BTC: variants seen among roughly 807,000 people sequenced by gnomAD.
BTC encodes the protein betacellulin, also known as probetacellulin.
BTC carries 13 observed loss-of-function variants against 18.1 expected under a neutral mutation model. The observed-to-expected ratio is 0.72, with a 90% CI of 0.47 to 1.14. The LOEUF (loss-of-function observed/expected upper bound fraction) is 1.14. Among genes scored for constraint, BTC ranks in the 50% most tolerant of loss-of-function variants. The pLI, the probability that BTC is intolerant of heterozygous loss-of-function variation, is 0.00. For missense variants in BTC, 247 were observed against 224.2 expected, an observed-to-expected ratio of 1.10 and a Z score of -0.65; for synonymous variants, 83 against 79.4, an observed-to-expected ratio of 1.05 and a Z score of -0.24.
At chr4:74,772,743 T>C (rs1725076901) in intron 1 of BTC, among the ~76,000 whole-genome samples, 1 of 152,038 alleles carries the variant, frequency 6.6e-6, no homozygotes. Context: ...ATTGTAAAAC[T>C]TAAGTTTATT....
chr4:74,785,857 TA>T (rs574729939), intron 1 of BTC, among the ~76,000 whole-genome samples: 248 of 152,230 alleles, frequency 1.6e-3, no homozygotes, highest in African/African-American at 5.8e-3. Flanking sequence ...TCCTACTCTA[TA>T]AATGGGAATA....
rs1214678412 is a variant in BTC at position 74,787,406 on chromosome 4, C to A, written c.64+6856G>T. Among the ~76,000 whole-genome samples, 3 of 152,284 alleles carry A rather than the reference C, an allele frequency of 2.0e-5. No individual in the cohort carries two copies. The East Asian group carries it at 5.8e-4, about 29-fold the overall frequency. ...TTAAGATTAAATATTGCCTCTCCCT[C>A]CAACCATCTAAAAAGGTCTTTCATT... On this transcript the variant is annotated intron_variant, in intron 1 of 5. Coordinates refer to ENST00000395743, the MANE Select transcript of BTC (RefSeq NM_001729.4).
At position 74,786,407 on chromosome 4, in the gene BTC, T is replaced by C. The variant is rs116692345; in HGVS notation, c.64+7855A>G. ...ACTAAAGAGTTCAGACAATTGATTGTTATGAAATCGTTATATGTAATACTA... is the reference window on the plus strand; with the variant it reads ...ACTAAAGAGTTCAGACAATTGATTGCTATGAAATCGTTATATGTAATACTA... On this transcript the variant is annotated intron_variant, in intron 1 of 5. Coordinates refer to ENST00000395743, the MANE Select transcript of BTC (RefSeq NM_001729.4). Among the ~76,000 whole-genome samples the C allele has an allele frequency of 5.5e-3, 840 of 152,340 alleles. 11 individuals carry two copies. The highest frequency in any genetic ancestry group is 0.019 in the African/African-American group (810 of 41,570).
chr4:74,753,703 G>T (rs112488906), intron 3 of BTC, among the ~76,000 whole-genome samples: 214 of 152,216 alleles, frequency 1.4e-3, no homozygotes, highest in African/African-American at 4.6e-3. Flanking sequence ...TGAAACATCA[G>T]TCCTAGGTTG....
intron 1 of BTC, among the ~76,000 whole-genome samples, chr4:74,792,482 C>T (rs1725659469): frequency 2.0e-5 from 3 of 152,122 alleles, no homozygotes; most frequent in South Asian, 4.1e-4. Flanking sequence ...CCACAGGCGC[C>T]CCCCCTTCCT....
intron 1 of BTC, among the ~76,000 whole-genome samples, chr4:74,783,864 C>A (rs1308506550): frequency 6.6e-6 from 1 of 151,932 alleles, no homozygotes; most frequent in African/African-American, 2.4e-5. Flanking sequence ...AGGTATTTTA[C>A]TCTTTGTGTA....
At chr4:74,752,758 A>T (rs1246610088) in intron 3 of BTC, among the ~76,000 whole-genome samples, 1 of 152,112 alleles carries the variant, frequency 6.6e-6, no homozygotes, top group Non-Finnish European at 1.5e-5. Context: ...TTACAAATAT[A>T]TTTTTTTCCA....
chr4:74,762,231 G>T (rs1724778321), intron 2 of BTC, among the ~76,000 whole-genome samples: 1 of 152,050 alleles, frequency 6.6e-6, no homozygotes, highest in Non-Finnish European at 1.5e-5. Flanking sequence ...TCCACATTTT[G>T]ATCTTCCCAT....
chr4:74,772,154 A>G (rs911314970), intron 1 of BTC, among the ~76,000 whole-genome samples: 2 of 152,194 alleles, frequency 1.3e-5, no homozygotes, highest in Non-Finnish European at 2.9e-5. Context: ...AAGTAAATAG[A>G]GAGTTGCTCA....
chr4:74,786,229 G>A (rs1187286534), intron 1 of BTC, among the ~76,000 whole-genome samples: 3 of 152,142 alleles, frequency 2.0e-5, no homozygotes. Context: ...GCTTAATTCA[G>A]CTCTGATGAC....
chr4:74,781,347 T>C (rs1333512403), intron 1 of BTC, among the ~76,000 whole-genome samples: 1 of 151,936 alleles, frequency 6.6e-6, no homozygotes, highest in Non-Finnish European at 1.5e-5. Context: ...AGCTTGTCTC[T>C]TTTCCATCCA....
At chr4:74,793,665 C>T (rs1235641872) in intron 1 of BTC, among the ~76,000 whole-genome samples, 1 of 152,160 alleles carries the variant, frequency 6.6e-6, no homozygotes, top group Non-Finnish European at 1.5e-5. Flanking sequence ...GAAGTTCCAG[C>T]TCTGCTTTGT....
At chr4:74,758,103 T>C (rs1398435549) in intron 2 of BTC, among the ~76,000 whole-genome samples, 2 of 152,132 alleles carry the variant, frequency 1.3e-5, no homozygotes, top group Non-Finnish European at 1.5e-5. Context: ...GCAATTGAGT[T>C]ATGGAGAATG....
intron 3 of BTC, among the ~76,000 whole-genome samples, chr4:74,751,978 C>T (rs1577947749): frequency 6.6e-6 from 1 of 152,086 alleles, no homozygotes; most frequent in South Asian, 2.1e-4. Flanking sequence ...TCTGTGCAAC[C>T]CCATTTTCCT....
chr4:74,750,596 G>A lies in BTC; in HGVS notation c.405C>T (p.Val135=). ...ACTGACAGCATGTGCAGACACCGAT[G>A]ACCAAAATAATAAAAACTACCATAA... ...IAVMVVFIIL[V]IGVCTCCHPL... is the part of the protein sequence containing the mutation. The change falls in exon 4 of 6, where the codon GTC becomes GTT. Residue 135 remains valine (V), a synonymous_variant. Transcript: ENST00000395743. 1 of 1,613,406 alleles carries A rather than the reference G, an allele frequency of 6.2e-7. No individual in the cohort carries two copies. Among genetic ancestry groups the A allele is most frequent in the Admixed American group, 1.7e-5 (1 of 59,900 alleles).
intron 1 of BTC, among the ~76,000 whole-genome samples, chr4:74,772,003 C>T (rs947776034): frequency 1.3e-5 from 2 of 152,104 alleles, no homozygotes; most frequent in South Asian, 2.1e-4. Flanking sequence ...ATGAATAGAA[C>T]ATCTTGTGTT....
At chr4:74,793,172 T>C (rs574819774) in intron 1 of BTC, among the ~76,000 whole-genome samples, 2 of 152,352 alleles carry the variant, frequency 1.3e-5, no homozygotes, top group African/African-American at 4.8e-5. Flanking sequence ...TACCACTAAA[T>C]TGTTACTGAC....
At chr4:74,765,033 G>A (rs1317820927) in intron 2 of BTC, among the ~76,000 whole-genome samples, 1 of 93,554 alleles carries the variant, frequency 1.1e-5, no homozygotes, top group Admixed American at 1.0e-4. Context: ...ACAGTATGGG[G>A]GAAATTGCCA....
At chr4:74,771,480 C>T (rs941362832) in intron 1 of BTC, among the ~76,000 whole-genome samples, 5 of 152,110 alleles carry the variant, frequency 3.3e-5, no homozygotes, top group African/African-American at 4.8e-5. Context: ...TGTGCTAGAT[C>T]GCTAGATCCT....
Sources: gnomAD v4.1 joint callset for allele counts (sites outside exome capture counted in the v4.1 genomes callset) on GRCh38, gnomAD v4.1.1 for gene constraint, MANE v1.5 for transcripts, NCBI Gene and HGNC (gene_info 2026-07-23, HGNC 2026-07-21) for gene names.